The following RBM27 variants were observed in gnomAD, a reference collection of about 807,000 sequenced individuals.
RBM27 encodes RNA-binding protein 27.
RBM27 carries 22 observed loss-of-function variants against 135.3 expected under a neutral mutation model. That is an observed-to-expected ratio of 0.16 (90% CI 0.12 to 0.23). RBM27 has a LOEUF of 0.23. Among genes scored for constraint, RBM27 ranks in the 10% least tolerant of loss-of-function variants. The pLI, the probability that RBM27 is intolerant of heterozygous loss-of-function variation, is 1.00. For synonymous variants in RBM27, 481 were observed against 442.4 expected, an observed-to-expected ratio of 1.09 and a Z score of -1.10; for missense variants, 1,009 against 1,281.0, an observed-to-expected ratio of 0.79 and a Z score of 3.24.
At chr5:146,280,610 C>A (rs1051403576) in intron 19 of RBM27, among the ~76,000 whole-genome samples, 1 of 152,140 alleles carries the variant, frequency 6.6e-6, no homozygotes, top group Non-Finnish European at 1.5e-5. Context: ...ACCTTGCTTT[C>A]TTTATACAGT....
At chr5:146,205,397 C>A (rs991113318) in intron 1 of RBM27, among the ~76,000 whole-genome samples, 77 of 152,200 alleles carry the variant, frequency 5.1e-4, no homozygotes, top group African/African-American at 1.8e-3. Context: ...TTCATTAGGT[C>A]AGATTGCATT....
At chr5:146,269,674 G>T in intron 17 of RBM27, 90 bp downstream of exon 17, 1 of 742,850 alleles carries the variant, frequency 1.3e-6, no homozygotes, top group Non-Finnish European at 1.9e-6. Flanking sequence ...CCCTTAGGTA[G>T]CTAATATCCT....
intron 14 of RBM27, among the ~76,000 whole-genome samples, chr5:146,265,552 A>G (rs985379436): frequency 6.6e-6 from 1 of 152,252 alleles, no homozygotes; most frequent in Non-Finnish European, 1.5e-5. Flanking sequence ...GAAAGTAATT[A>G]TAAAGTAAAA....
intron 8 of RBM27, among the ~76,000 whole-genome samples, chr5:146,238,983 T>C (rs1241943217): frequency 6.6e-6 from 1 of 152,186 alleles, no homozygotes; most frequent in Non-Finnish European, 1.5e-5. Flanking sequence ...TAGCCACTAG[T>C]AAGCTATAAG....
chr5:146,228,637 G>A (rs1756788648), intron 3 of RBM27, among the ~76,000 whole-genome samples: 1 of 151,984 alleles, frequency 6.6e-6, no homozygotes, highest in African/African-American at 2.4e-5. Context: ...GTCTCACTCT[G>A]TCATCCAGCC....
chr5:146,206,775 G>T (rs1264484461), intron 1 of RBM27, among the ~76,000 whole-genome samples: 3 of 151,942 alleles, frequency 2.0e-5, no homozygotes, highest in South Asian at 2.1e-4. Flanking sequence ...AGAGACGGGG[G>T]TGTCACTGTG....
At chr5:146,249,569 C>G (rs1757788667) in intron 8 of RBM27, among the ~76,000 whole-genome samples, 1 of 151,354 alleles carries the variant, frequency 6.6e-6, no homozygotes, top group Non-Finnish European at 1.5e-5. Context: ...CACCAGAAAT[C>G]CCAGCTACTA....
chr5:146,244,366 T>A (rs903753344), intron 8 of RBM27, among the ~76,000 whole-genome samples: 6 of 152,038 alleles, frequency 3.9e-5, no homozygotes, highest in Admixed American at 1.3e-4. Context: ...TAAAAAAAAA[T>A]TGATTATAAT....
rs1424393797 is a variant in RBM27, at chr5:146,271,074, A to G, written c.2796+16A>G. 7.0e-6 allele frequency: 11 copies of G among 1,576,274 alleles called. No homozygotes were observed. Among genetic ancestry groups the G allele is most frequent in the Middle Eastern group, 1.7e-4 (1 of 6,002 alleles). On this transcript the variant is annotated intron_variant, in intron 18 of 20. Transcript: ENST00000265271. ...ACAGGTTGAGGTGAGATTTAAAAGG[A>G]GTTAGCGCCCCACCACATTTAACGT...
intron 1 of RBM27, among the ~76,000 whole-genome samples, chr5:146,214,130 C>A (rs553859043): frequency 1.3e-5 from 2 of 152,264 alleles, no homozygotes; most frequent in African/African-American, 4.8e-5. Flanking sequence ...GTGCTGTCTG[C>A]CTGATCTTAA....
intron 10 of RBM27, among the ~76,000 whole-genome samples, chr5:146,257,511 T>C (rs1261740679): frequency 6.6e-6 from 1 of 152,232 alleles, no homozygotes; most frequent in East Asian, 1.9e-4. Context: ...GAATGCTCTC[T>C]TGTATACTCT....
At chr5:146,212,157 G>A (rs924048214) in intron 1 of RBM27, among the ~76,000 whole-genome samples, 5 of 148,264 alleles carry the variant, frequency 3.4e-5, no homozygotes, top group Non-Finnish European at 7.4e-5. Flanking sequence ...CCGGGTTCAA[G>A]TGATTCTCCT....
Position 146,203,702 on chromosome 5 carries a change from G to A in RBM27, c.-64G>A. ...AGCTGTGAAGGGAACGTGAGGGGGC[G>A]GCGTAGTGGAGACCCACGGCAGGCC... On this transcript the variant is annotated 5_prime_UTR_variant, in exon 1 of 21. Transcript: ENST00000265271. The A allele has an allele frequency of 6.9e-7, 1 of 1,439,984 alleles. No individual in the cohort carries two copies. The highest frequency in any genetic ancestry group is 9.6e-7 in the Non-Finnish European group (1 of 1,047,096). 89.2% of individuals were successfully genotyped at this position (1,439,984 alleles called of 1,614,324 possible). A position where few individuals can be genotyped will look rare whatever the true frequency, so the allele number is the denominator to read the frequency against.
At chr5:146,264,066 A>G (rs1453896990) in intron 14 of RBM27, among the ~76,000 whole-genome samples, 1 of 151,376 alleles carries the variant, frequency 6.6e-6, no homozygotes, top group Non-Finnish European at 1.5e-5. Flanking sequence ...AGGTCGTACC[A>G]TTGCACTGCA....
rs1491585668 is a variant in RBM27 at position 146,260,310 on chromosome 5, AAG to A, written c.1740-433_1740-432del. ...TGAGACTCCGTCTACAAAAAAAAAA[AAG>A]AAGAATGTGAAAATTGCTTAGTAAT... On this transcript the variant is annotated intron_variant, in intron 11 of 20. Coordinates refer to ENST00000265271, the MANE Select transcript of RBM27 (RefSeq NM_018989.2). 2.3e-3 allele frequency among the ~76,000 whole-genome samples: 315 copies of A among 135,398 alleles called. 2 individuals carry two copies. The highest frequency in any genetic ancestry group is 0.012 in the African/African-American group (297 of 25,650). 88.8% of individuals were successfully genotyped at this position (135,398 alleles called of 152,430 possible). A position where few individuals can be genotyped will look rare whatever the true frequency, so the allele number is the denominator to read the frequency against.
At chr5:146,233,097 T>TAGG (rs1283217194) in intron 6 of RBM27, among the ~76,000 whole-genome samples, 1 of 152,242 alleles carries the variant, frequency 6.6e-6, no homozygotes, top group East Asian at 1.9e-4. Context: ...TCAATGCCCT[T>TAGG]ATTCTCCCCT....
In RBM27 at chr5:146,287,404, T is replaced by C. The variant is rs1759627808; in HGVS notation, c.*1374T>C. ...AAAGCAGAGGAGCAACACTACACTG[T>C]ACTGACCCCTGGGAAAATAAAATGA... On this transcript the variant is annotated 3_prime_UTR_variant, in exon 21 of 21. Transcript: ENST00000265271. The C allele has an allele frequency of 1.3e-5, 2 of 152,152 alleles. No individual in the cohort carries two copies. The highest frequency in any genetic ancestry group is 2.9e-5 in the Non-Finnish European group (2 of 68,024). 9.4% of individuals were successfully genotyped at this position (152,152 alleles called of 1,614,324 possible).
At chr5:146,243,444 G>A (rs1425537790) in intron 8 of RBM27, among the ~76,000 whole-genome samples, 3 of 152,080 alleles carry the variant, frequency 2.0e-5, no homozygotes, top group Admixed American at 1.3e-4. Context: ...ATGCTCAAAG[G>A]AATTACTTAC....
At chr5:146,243,259 G>A (rs1459233542) in intron 8 of RBM27, among the ~76,000 whole-genome samples, 2 of 151,860 alleles carry the variant, frequency 1.3e-5, no homozygotes, top group African/African-American at 4.8e-5. Context: ...AGAGCGAAAC[G>A]CCATCTCAAA....
Sources: allele counts gnomAD v4.1 joint callset (sites outside exome capture counted in the v4.1 genomes callset), GRCh38; gene constraint gnomAD v4.1.1; transcripts MANE v1.5; gene names NCBI Gene and HGNC (gene_info 2026-07-23, HGNC 2026-07-21).